The following CLUL1 variants were observed in gnomAD, a reference collection of about 807,000 sequenced individuals.
CLUL1 encodes clusterin like 1.
In CLUL1, 43 loss-of-function variants were observed where a neutral mutation model predicts 49.4. That is an observed-to-expected ratio of 0.87 (90% CI 0.68 to 1.12). The LOEUF (loss-of-function observed/expected upper bound fraction) is 1.12, where lower values mean the gene tolerates loss of function less well. CLUL1 is among the 50% of genes most tolerant of loss of function. CLUL1 has a pLI of 0.00. For synonymous variants in CLUL1, 192 were observed against 184.9 expected, an observed-to-expected ratio of 1.04 and a Z score of -0.31; for missense variants, 486 against 544.4, an observed-to-expected ratio of 0.89 and a Z score of 1.07.
chr18:635,940 T>C (rs894207398), intron 7 of CLUL1, among the ~76,000 whole-genome samples: 4 of 152,144 alleles, frequency 2.6e-5, no homozygotes, highest in Admixed American at 2.0e-4. Flanking sequence ...TTTCACCATA[T>C]TGGCCAGGCT....
At chr18:626,915 GAAAGAAA>G in intron 5 of CLUL1, among the ~76,000 whole-genome samples, 175 bp from the exon 6 acceptor site, 2 of 1,000 alleles carry the variant, frequency 2.0e-3, no homozygotes, top group African/African-American at 2.3e-3. Flanking sequence ...AAGAAAGAAA[GAAAGAAA>G]GAAAGAAGGA....
chr18:605,029 C>T (rs1051709140), intron 1 of CLUL1, among the ~76,000 whole-genome samples: 1 of 152,216 alleles, frequency 6.6e-6, no homozygotes, highest in East Asian at 1.9e-4. Context: ...TCCGGGGACC[C>T]TTCCTTTACT....
chr18:649,913 G>A lies in CLUL1; in HGVS notation c.*12G>A, dbSNP rs774918551. On this transcript the variant is annotated 3_prime_UTR_variant, in exon 10 of 10. Coordinates refer to ENST00000692774, the MANE Select transcript of CLUL1 (RefSeq NM_001393344.1). ...TTTTTTTAAGGTAAGAAGATCTAAT[G>A]CATCCTATATCCAGTAAGTAGAATT... The A allele has an allele frequency of 2.2e-6, 3 of 1,347,728 alleles. No individual in the cohort carries two copies. Among genetic ancestry groups the A allele is most frequent in the South Asian group, 2.5e-5 (2 of 79,850 alleles). The allele number at this position is 1,347,728 out of a possible 1,614,324, so 83.5% of individuals were successfully genotyped here.
In CLUL1 at chr18:650,047, T is replaced by C; in HGVS notation, c.*146T>C. ...TACTATGAAGTACTCTTAGTTTACT[T>C]ATGTTGAATGGCTTAGCTATTAATA... On this transcript the variant is annotated 3_prime_UTR_variant, in exon 10 of 10. Transcript: ENST00000692774. 1.8e-6 allele frequency: 1 copy of C among 560,326 alleles called. No individual in the cohort carries two copies. Among genetic ancestry groups the C allele is most frequent in the Non-Finnish European group, 3.1e-6 (1 of 317,762 alleles). The allele number at this position is 560,326 out of a possible 1,614,324, so 34.7% of individuals were successfully genotyped here.
At chr18:619,055 A>G (rs907708347) in intron 3 of CLUL1, among the ~76,000 whole-genome samples, 158 bp from the exon 4 acceptor site, 1 of 152,182 alleles carries the variant, frequency 6.6e-6, no homozygotes. Flanking sequence ...AGCTGGGTCC[A>G]TGTGGCAGCT....
chr18:627,481 A>C lies in CLUL1; in HGVS notation c.808A>C (p.Ile270Leu). Residue 270 changes from isoleucine (I) to leucine (L), a missense_variant, in exon 6 of 10, where the codon ATT becomes CTT. By Grantham distance (5) the Ile-to-Leu change is conservative. Transcript: ENST00000692774. ...TATTTATGAAAGTGTCAGTGAAACAATTACTAAGATGCTGAAGGCAATAGA... is the reference window on the plus strand; with the variant it reads ...TATTTATGAAAGTGTCAGTGAAACACTTACTAAGATGCTGAAGGCAATAGA... ...VSIYESVSETITKMLKAIEDL... is the reference protein window; with the variant it reads ...VSIYESVSETLTKMLKAIEDL... The C allele has an allele frequency of 6.2e-7, 1 of 1,613,398 alleles. No homozygotes were observed.
At chr18:604,459 G>A (rs1343285676) in intron 1 of CLUL1, among the ~76,000 whole-genome samples, 4 of 152,154 alleles carry the variant, frequency 2.6e-5, no homozygotes, top group Non-Finnish European at 5.9e-5. Context: ...ATGAAGAGTG[G>A]CATAAGTAGT....
chr18:638,236 A>C (rs2074214684), intron 7 of CLUL1, among the ~76,000 whole-genome samples: 1 of 152,226 alleles, frequency 6.6e-6, no homozygotes, highest in African/African-American at 2.4e-5. Flanking sequence ...AAAAATAGAC[A>C]CTTAATATAC....
chr18:633,797 TCGGAA>T, intron 7 of CLUL1, among the ~76,000 whole-genome samples: 1 of 31,512 alleles, frequency 3.2e-5, no homozygotes, highest in African/African-American at 7.7e-5. Flanking sequence ...GAGCATGTAA[TCGGAA>T]TGAATCAGGG....
intron 7 of CLUL1, among the ~76,000 whole-genome samples, chr18:635,990 C>T (rs995770457): frequency 6.6e-6 from 1 of 152,152 alleles, no homozygotes; most frequent in East Asian, 1.9e-4. Flanking sequence ...CCACCTCAGC[C>T]TCCCAAAGCG....
chr18:610,587 G>C (rs1375990167), intron 2 of CLUL1, among the ~76,000 whole-genome samples: 1 of 152,170 alleles, frequency 6.6e-6, no homozygotes, highest in African/African-American at 2.4e-5. Flanking sequence ...TCAGGCAGTA[G>C]AAATAAGAGC....
At chr18:597,502 G>A (rs774863998) in intron 1 of CLUL1, among the ~76,000 whole-genome samples, 1 of 152,134 alleles carries the variant, frequency 6.6e-6, no homozygotes, top group African/African-American at 2.4e-5. Context: ...GAGGGGGGCC[G>A]ATCACTTGAG....
intron 2 of CLUL1, among the ~76,000 whole-genome samples, chr18:609,659 A>G (rs188766756): frequency 2.1e-4 from 32 of 152,176 alleles, no homozygotes; most frequent in Non-Finnish European, 4.3e-4. Flanking sequence ...CCCTGTCTCT[A>G]CTAAAAATAA....
chr18:602,894 T>A (rs1203724163), intron 1 of CLUL1, among the ~76,000 whole-genome samples: 1 of 151,314 alleles, frequency 6.6e-6, no homozygotes, highest in Admixed American at 6.6e-5. Flanking sequence ...AGAGGTGGAG[T>A]GGAAAAGGAG....
intron 6 of CLUL1, among the ~76,000 whole-genome samples, chr18:630,670 A>ATTTTTT (rs2073966993): frequency 9.5e-6 from 1 of 105,154 alleles, no homozygotes; most frequent in African/African-American, 3.9e-5. Context: ...CCCTACTGAC[A>ATTTTTT]TCTTTTTTTT....
intron 6 of CLUL1, 131 bp downstream of exon 6, chr18:627,660 T>A: frequency 1.5e-6 from 1 of 649,550 alleles, no homozygotes; most frequent in Non-Finnish European, 2.6e-6. Context: ...TGGAAAATGT[T>A]TCAGAGCCTC....
rs765741043 is a variant in CLUL1 at position 599,928 on chromosome 18, A to G, written c.-136+2799A>G. 1.5e-3 allele frequency among the ~76,000 whole-genome samples: 230 copies of G among 149,956 alleles called. 1 individual carries two copies. The highest frequency in any genetic ancestry group is 6.4e-4 in the Non-Finnish European group (43 of 67,506). ...GCGCCACTGCACTCCAGTCTGGGCT[A>G]CAGAGCCAGACTTCATCTCAAAAAA... is the stretch of plus-strand genomic sequence containing the variant. On this transcript the variant is annotated intron_variant, in intron 1 of 9. Transcript: ENST00000692774.
At chr18:635,132 A>G (rs966610033) in intron 7 of CLUL1, among the ~76,000 whole-genome samples, 1 of 152,176 alleles carries the variant, frequency 6.6e-6, no homozygotes, top group African/African-American at 2.4e-5. Context: ...AAAGGACCCA[A>G]GATAATCTTT....
intron 7 of CLUL1, among the ~76,000 whole-genome samples, chr18:638,061 C>A (rs1410124713): frequency 6.6e-6 from 1 of 152,176 alleles, no homozygotes; most frequent in Non-Finnish European, 1.5e-5. Flanking sequence ...AGGACTCTCT[C>A]AGCCTGTTTT....
Sources: allele counts gnomAD v4.1 joint callset (sites outside exome capture counted in the v4.1 genomes callset), GRCh38; gene constraint gnomAD v4.1.1; transcripts MANE v1.5; gene names NCBI Gene and HGNC (gene_info 2026-07-23, HGNC 2026-07-21).